Variants in CFAP221 observed in about 807,000 individuals in gnomAD.
CFAP221 encodes cilia and flagella associated protein 221.
A neutral mutation model predicts 113.1 loss-of-function variants in CFAP221; 97 were observed. That is an observed-to-expected ratio of 0.86 (90% CI 0.73 to 1.02). The LOEUF (loss-of-function observed/expected upper bound fraction) is 1.02. CFAP221 is among the 50% of genes least tolerant of loss of function. The pLI is 0.00. For missense variants in CFAP221, 1,025 were observed against 1,013.4 expected (o/e 1.01, Z -0.16); for synonymous variants, 331 against 354.4 (o/e 0.93, Z 0.74).
chr2:119,652,874 T>C (rs1291840175), intron 23 of CFAP221, among the ~76,000 whole-genome samples: 34 of 150,074 alleles, frequency 2.3e-4, no homozygotes, highest in Admixed American at 2.1e-3. Context: ...ATTTTAAATA[T>C]GATAAAAACA....
In CFAP221 at chr2:119,578,556, G is replaced by A. The variant is rs1682614185; in HGVS notation, c.528-8563G>A. Among the ~76,000 whole-genome samples, 3 of 152,190 alleles carry A rather than the reference G, an allele frequency of 2.0e-5. No individual in the cohort carries two copies. In the South Asian group the frequency reaches 6.2e-4, roughly 32 times the overall value. ...AGATCACTGGGCCTATTAACTCCAA[G>A]CTTCACTTGGTAGTGATACCACCAC... On this transcript the variant is annotated intron_variant, in intron 6 of 23. Coordinates refer to ENST00000413369, the MANE Select transcript of CFAP221 (RefSeq NM_001271049.2).
chr2:119,580,745 A>C (rs1286653915), intron 6 of CFAP221: 2 of 152,290 alleles, frequency 1.3e-5, no homozygotes, highest in African/African-American at 4.8e-5. Context: ...AGTGGGTTGC[A>C]GGGTGGAGCC....
At chr2:119,558,278 T>C (rs973460582) in intron 3 of CFAP221, among the ~76,000 whole-genome samples, 17 of 152,116 alleles carry the variant, frequency 1.1e-4, no homozygotes, top group African/African-American at 4.1e-4. Flanking sequence ...CTGAGTGTGA[T>C]GGACTCAGCA....
chr2:119,594,752 T>C (rs1319790407), intron 7 of CFAP221, among the ~76,000 whole-genome samples: 2 of 152,222 alleles, frequency 1.3e-5, no homozygotes, highest in Non-Finnish European at 2.9e-5. Flanking sequence ...GTGCTTACCA[T>C]GTGCCAGACA....
At chr2:119,633,348 G>GAAA (rs55885662) in intron 19 of CFAP221, among the ~76,000 whole-genome samples, 4 of 150,368 alleles carry the variant, frequency 2.7e-5, no homozygotes, top group Non-Finnish European at 3.0e-5. Flanking sequence ...ATCCATAAAT[G>GAAA]AAAAAAAAAT....
intron 11 of CFAP221, among the ~76,000 whole-genome samples, chr2:119,607,890 T>G (rs1237821062): frequency 6.6e-6 from 1 of 152,260 alleles, no homozygotes; most frequent in Non-Finnish European, 1.5e-5. Context: ...ATGCAACATT[T>G]TGCTTGTTCA....
chr2:119,558,227 G>A (rs1680965214), intron 3 of CFAP221, among the ~76,000 whole-genome samples: 1 of 152,126 alleles, frequency 6.6e-6, no homozygotes, highest in Non-Finnish European at 1.5e-5. Context: ...GGGCTGAGTG[G>A]CCCCTCTCCA....
intron 19 of CFAP221, among the ~76,000 whole-genome samples, chr2:119,637,395 A>G (rs1306959760): frequency 6.6e-6 from 1 of 152,180 alleles, no homozygotes; most frequent in Non-Finnish European, 1.5e-5. Context: ...GTCTAGCTGC[A>G]TGTCACTTAA....
chr2:119,564,414 C>T (rs1336903915), intron 6 of CFAP221, among the ~76,000 whole-genome samples: 1 of 152,092 alleles, frequency 6.6e-6, no homozygotes, highest in Non-Finnish European at 1.5e-5. Flanking sequence ...ATAAAATAAT[C>T]TATAATAATT....
intron 3 of CFAP221, among the ~76,000 whole-genome samples, chr2:119,558,841 C>CCAA (rs1475836813): frequency 5.3e-5 from 8 of 152,084 alleles, no homozygotes; most frequent in Admixed American, 1.3e-4. Flanking sequence ...AAACAAAAAA[C>CCAA]CAACAACAAC....
At chr2:119,580,433 T>G (rs1404338368) in intron 6 of CFAP221, 1 of 152,174 alleles carries the variant, frequency 6.6e-6, no homozygotes, top group Non-Finnish European at 1.5e-5. Context: ...ACAGCTACGC[T>G]CCTCTCAAAG....
chr2:119,559,223 C>T (rs2104533418), intron 3 of CFAP221, among the ~76,000 whole-genome samples: 1 of 152,358 alleles, frequency 6.6e-6, no homozygotes, highest in African/African-American at 2.4e-5. Flanking sequence ...GGATTGGAGG[C>T]TGTCTTAGTC....
At position 119,605,277 on chromosome 2, in the gene CFAP221, A is replaced by G. The variant is rs1437130693; in HGVS notation, c.1121A>G (p.Asn374Ser). 8.1e-6 allele frequency: 13 copies of G among 1,612,166 alleles called. No homozygotes were observed. The highest frequency in any genetic ancestry group is 4.5e-5 in the East Asian group (2 of 44,862). The change falls in exon 11 of 24, where the codon AAT becomes AGT. Residue 374 changes from asparagine (N) to serine (S), a missense_variant. By Grantham distance (46) the Asn-to-Ser change is conservative. Transcript: ENST00000413369. ...VRQDIHEEME[N>S]HLKWQVHLGK... ...CAGGACATTCACGAAGAGATGGAAA[A>G]TCATCTTAAGTGGTAAATATTGAGC...
chr2:119,553,845 T>C (rs1680593920), intron 3 of CFAP221, among the ~76,000 whole-genome samples: 1 of 152,176 alleles, frequency 6.6e-6, no homozygotes, highest in South Asian at 2.1e-4. Context: ...GTGCAGTGCC[T>C]GACATGCAGA....
At chr2:119,653,526 C>T (rs956401377) in intron 23 of CFAP221, among the ~76,000 whole-genome samples, 2 of 151,840 alleles carry the variant, frequency 1.3e-5, no homozygotes, top group African/African-American at 2.4e-5. Context: ...ATTATATTTC[C>T]GAGTAGATGT....
At chr2:119,600,215 G>C (rs777400460) in intron 7 of CFAP221, among the ~76,000 whole-genome samples, 3 of 152,116 alleles carry the variant, frequency 2.0e-5, no homozygotes, top group Non-Finnish European at 4.4e-5. Context: ...CTCCACATTT[G>C]TTAGCACTTA....
chr2:119,598,195 A>ACAG, intron 7 of CFAP221, among the ~76,000 whole-genome samples: 1 of 152,330 alleles, frequency 6.6e-6, no homozygotes, highest in African/African-American at 2.4e-5. Flanking sequence ...CTGTCTGGAC[A>ACAG]TGGGAAAGAA....
chr2:119,652,024 A>C lies in CFAP221; in HGVS notation c.2369A>C (p.Lys790Thr). The C allele has an allele frequency of 6.2e-7, 1 of 1,613,602 alleles. No homozygotes were observed. Among genetic ancestry groups the C allele is most frequent in the Non-Finnish European group, 8.5e-7 (1 of 1,179,736 alleles). ...VEVMLTPEMI[K>T]VEFPMLNYKD... ...GTTATGTTGACTCCAGAAATGATCAAAGTGGAATTCCCTATGTTGAACTAC... is the reference window on the plus strand; with the variant it reads ...GTTATGTTGACTCCAGAAATGATCACAGTGGAATTCCCTATGTTGAACTAC... The change falls in exon 23 of 24, where the codon AAA becomes ACA. Residue 790 changes from lysine (K) to threonine (T), a missense_variant. Coordinates refer to ENST00000413369, the MANE Select transcript of CFAP221 (RefSeq NM_001271049.2).
intron 6 of CFAP221, among the ~76,000 whole-genome samples, chr2:119,581,481 G>A (rs1264427470): frequency 6.6e-6 from 1 of 152,134 alleles, no homozygotes; most frequent in East Asian, 1.9e-4. Flanking sequence ...TTGAAGAAAA[G>A]ATTAATAGAT....
Sources: gnomAD v4.1 joint callset for allele counts (sites outside exome capture counted in the v4.1 genomes callset) on GRCh38, gnomAD v4.1.1 for gene constraint, MANE v1.5 for transcripts, NCBI Gene and HGNC (gene_info 2026-07-23, HGNC 2026-07-21) for gene names.